The following BIRC6 variants were observed in gnomAD, a reference collection of about 807,000 sequenced individuals.
BIRC6 encodes the protein dual E2 ubiquitin-conjugating enzyme/E3 ubiquitin-protein ligase BIRC6.
In BIRC6, 98 loss-of-function variants were observed where a neutral mutation model predicts 503.3. That is an observed-to-expected ratio of 0.19 (90% CI 0.17 to 0.23). The LOEUF (loss-of-function observed/expected upper bound fraction) is 0.23. Among genes scored for constraint, BIRC6 ranks in the 10% least tolerant of loss-of-function variants. The pLI is 1.00. For missense variants in BIRC6, 5,360 were observed against 5,806.0 expected (o/e 0.92, Z 2.50); for synonymous variants, 2,240 against 2,078.7 (o/e 1.08, Z -2.11).
chr2:32,508,114 T>C lies in BIRC6; in HGVS notation c.9835T>C (p.Cys3279Arg). The C allele has an allele frequency of 6.2e-7, 1 of 1,613,956 alleles. No homozygotes were observed. Among genetic ancestry groups the C allele is most frequent in the Non-Finnish European group, 8.5e-7 (1 of 1,179,886 alleles). Reference sequence around the variant, plus strand: ...AAAAGCCGAAGTAGCTTCTGCTGTCTGCCTTAGACTACATCGTCCACGGGA... The same window carrying C: ...AAAAGCCGAAGTAGCTTCTGCTGTCCGCCTTAGACTACATCGTCCACGGGA... Reference protein sequence around the residue: ...LVKAEVASAVCLRLHRPRDAS... With the variant: ...LVKAEVASAVRLRLHRPRDAS... Residue 3279 changes from cysteine (C) to arginine (R), a missense_variant, in exon 51 of 74, where the codon TGC (cysteine) becomes CGC (arginine). Transcript: ENST00000421745.
At chr2:32,376,400 A>T (rs907920178) in intron 1 of BIRC6, among the ~76,000 whole-genome samples, 36 of 152,082 alleles carry the variant, frequency 2.4e-4, no homozygotes, top group East Asian at 7.7e-4. Flanking sequence ...ATGATTTAAT[A>T]CTGTATTTTT....
At chr2:32,468,926 G>A in intron 29 of BIRC6, 143 bp downstream of exon 29, 1 of 660,290 alleles carries the variant, frequency 1.5e-6, no homozygotes, top group East Asian at 2.8e-5. Flanking sequence ...GTCTCTTTAG[G>A]TTAATCTATT....
intron 65 of BIRC6, among the ~76,000 whole-genome samples, chr2:32,562,184 T>C (rs1020633196): frequency 6.6e-6 from 1 of 152,234 alleles, no homozygotes; most frequent in African/African-American, 2.4e-5. Flanking sequence ...TCATTATTCA[T>C]GTATGGAGAA....
intron 61 of BIRC6, among the ~76,000 whole-genome samples, chr2:32,537,763 G>A (rs1242062771): frequency 3.9e-5 from 6 of 152,034 alleles, no homozygotes; most frequent in Admixed American, 2.0e-4. Context: ...TCAGGAGATC[G>A]AGACCATCCT....
chr2:32,577,900 C>A lies in BIRC6; in HGVS notation c.13355+2534C>A, dbSNP rs145284329. 3.1e-3 allele frequency among the ~76,000 whole-genome samples: 474 copies of A among 152,226 alleles called. 1 individual carries two copies. The highest frequency in any genetic ancestry group is 0.01 in the African/African-American group (427 of 41,542). On this transcript the variant is annotated intron_variant, in intron 66 of 73. Coordinates refer to ENST00000421745, the MANE Select transcript of BIRC6 (RefSeq NM_016252.4). Reference sequence around the variant, plus strand: ...AGAGAACATTCTTCAGACTTATAAACTATGTACCAACAAAATATGCATGTG... The same window carrying A: ...AGAGAACATTCTTCAGACTTATAAAATATGTACCAACAAAATATGCATGTG...
At chr2:32,412,723 A>G (rs2042021474) in intron 9 of BIRC6, among the ~76,000 whole-genome samples, 1 of 151,310 alleles carries the variant, frequency 6.6e-6, no homozygotes, top group African/African-American at 2.4e-5. Context: ...TCAGCAGAGG[A>G]TGGGGTGAGA....
At chr2:32,495,578 A>G (rs1002669429) in intron 45 of BIRC6, among the ~76,000 whole-genome samples, 1 of 152,180 alleles carries the variant, frequency 6.6e-6, no homozygotes, top group Admixed American at 6.5e-5. Context: ...TTTTCACTTT[A>G]TTAAGTAGCC....
chr2:32,469,346 A>G (rs1558816633), intron 29 of BIRC6, 49 bp from the exon 30 acceptor site: 5 of 1,370,288 alleles, frequency 3.6e-6, no homozygotes, highest in Middle Eastern at 4.2e-4. Context: ...TTTTAATATT[A>G]TACAATACAT....
At chr2:32,399,096 T>C (rs1335709349) in intron 6 of BIRC6, among the ~76,000 whole-genome samples, 2 of 152,098 alleles carry the variant, frequency 1.3e-5, no homozygotes, top group Non-Finnish European at 2.9e-5. Flanking sequence ...TATTTATTTA[T>C]TTTTTTGGAG....
Position 32,368,181 on chromosome 2 carries a change from GT to G in BIRC6, c.326-9397del, listed in dbSNP as rs996487581. On this transcript the variant is annotated intron_variant, in intron 1 of 73. Transcript: ENST00000421745. ...GCCTGGAGTGCAGCCCAGGCATACT[GT>G]TTTTTTTTTCTTCTTCTTCTCAGAA... Among the ~76,000 whole-genome samples the G allele has an allele frequency of 2.9e-3, 433 of 149,526 alleles. 8 individuals are homozygous for G. The highest frequency in any genetic ancestry group is 0.01 in the African/African-American group (419 of 40,804).
At chr2:32,437,204 AT>A (rs1435859889) in intron 15 of BIRC6, among the ~76,000 whole-genome samples, 5 of 152,126 alleles carry the variant, frequency 3.3e-5, no homozygotes, top group African/African-American at 1.2e-4. Context: ...GAGGATTTTT[AT>A]TAGAAGAGCT....
Position 32,381,076 on chromosome 2 carries a change from G to T in BIRC6, c.645+786G>T, listed in dbSNP as rs1468021845. On this transcript the variant is annotated intron_variant, in intron 3 of 73. Coordinates refer to ENST00000421745, the MANE Select transcript of BIRC6 (RefSeq NM_016252.4). ...ATTTTTCTTTTAAGGCCTTTTCTAA[G>T]TTATACTGCATATCAAACTTCCCTG... 2.6e-5 allele frequency among the ~76,000 whole-genome samples: 4 copies of T among 152,026 alleles called. No homozygotes were observed. The South Asian group carries it at 6.2e-4, about 24-fold the overall frequency.
At chr2:32,406,450 G>A (rs940339855) in intron 8 of BIRC6, 49 bp from the exon 9 acceptor site, 1 of 1,376,202 alleles carries the variant, frequency 7.3e-7, no homozygotes, top group African/African-American at 1.4e-5. Context: ...CTCATATGAT[G>A]TATACTTTTT....
rs1308109730 is a variant in BIRC6 at position 32,461,046 on chromosome 2, T to TC, written c.4754-2147dup. On this transcript the variant is annotated intron_variant, in intron 23 of 73. Transcript: ENST00000421745. ...TCTTCTCTTCTCTTCTCTTCTCTTC[T>TC]CTTCTCTTCTCTTCTCTTCTGTTCT... is the stretch of plus-strand genomic sequence containing the variant. 6.4e-4 allele frequency among the ~76,000 whole-genome samples: 47 copies of TC among 73,040 alleles called. 4 individuals are homozygous for TC. Among genetic ancestry groups the TC allele is most frequent in the Non-Finnish European group, 6.2e-4 (19 of 30,830 alleles). The allele number at this position is 73,040 out of a possible 152,430, so 47.9% of individuals were successfully genotyped here.
Position 32,538,084 on chromosome 2 carries a change from C to T in BIRC6, c.12292-5157C>T, listed in dbSNP as rs150981701. On this transcript the variant is annotated intron_variant, in intron 61 of 73. Transcript: ENST00000421745. ...AATAGAATCAATTCAGTAATATTAG[C>T]GTCTATACTGCTTTTTTCTGGGGGT... Among the ~76,000 whole-genome samples, 117 of 152,138 alleles carry T rather than the reference C, an allele frequency of 7.7e-4. 5 individuals carry two copies. In the South Asian group the frequency reaches 0.02, roughly 26 times the overall value.
chr2:32,471,138 G>T lies in BIRC6; in HGVS notation c.6592+14G>T. ...AACCTTTGAATGGTAAAGACAGGGA[G>T]AGGTTTCTGACAGGTATCAGAAGTT... is the stretch of plus-strand genomic sequence containing the variant. On this transcript the variant is annotated intron_variant, in intron 32 of 73. Coordinates refer to ENST00000421745, the MANE Select transcript of BIRC6 (RefSeq NM_016252.4). The T allele has an allele frequency of 6.4e-7, 1 of 1,555,734 alleles. No individual in the cohort carries two copies. The highest frequency in any genetic ancestry group is 1.2e-5 in the South Asian group (1 of 84,320).
intron 3 of BIRC6, among the ~76,000 whole-genome samples, chr2:32,381,909 G>C (rs555196091): frequency 6.6e-6 from 1 of 151,828 alleles, no homozygotes; most frequent in South Asian, 2.1e-4. Flanking sequence ...GATCATCTAT[G>C]TTCTTCTTAG....
chr2:32,561,071 G>A (rs563895430), intron 65 of BIRC6, among the ~76,000 whole-genome samples: 1 of 151,682 alleles, frequency 6.6e-6, no homozygotes, highest in East Asian at 2.0e-4. Context: ...GGTGGCACGT[G>A]CCTGTAGTCC....
intron 57 of BIRC6, among the ~76,000 whole-genome samples, chr2:32,519,652 A>G (rs1290791417): frequency 6.6e-6 from 1 of 152,112 alleles, no homozygotes; most frequent in Non-Finnish European, 1.5e-5. Context: ...AGTAGCTGGC[A>G]TTACAGGCAT....
Sources: gnomAD v4.1 joint callset for allele counts (sites outside exome capture counted in the v4.1 genomes callset) on GRCh38, gnomAD v4.1.1 for gene constraint, MANE v1.5 for transcripts, NCBI Gene and HGNC (gene_info 2026-07-23, HGNC 2026-07-21) for gene names.